MTHFD2L: variants seen among roughly 807,000 people sequenced by gnomAD.
The protein encoded by MTHFD2L is methylenetetrahydrofolate dehydrogenase (NADP+ dependent) 2 like, also known as bifunctional methylenetetrahydrofolate dehydrogenase/cyclohydrolase 2, mitochondrial.
In MTHFD2L, 29 loss-of-function variants were observed where a neutral mutation model predicts 34.9. That is an observed-to-expected ratio of 0.83 (90% CI 0.62 to 1.13). The LOEUF (loss-of-function observed/expected upper bound fraction) is 1.13. MTHFD2L is among the 50% of genes most tolerant of loss of function. The probability of loss-of-function intolerance (pLI) is 0.00; values close to 1 mark genes in which losing one functional copy is unlikely to be tolerated. For missense variants in MTHFD2L, 481 were observed against 446.5 expected (o/e 1.08, Z -0.70); for synonymous variants, 167 against 155.7 (o/e 1.07, Z -0.54).
chr4:74,232,252 C>A (rs1039455519), intron 6 of MTHFD2L, among the ~76,000 whole-genome samples: 4 of 152,124 alleles, frequency 2.6e-5, no homozygotes, highest in Non-Finnish European at 5.9e-5. Flanking sequence ...AGATGTATGC[C>A]TTCTCAGGAT....
chr4:74,209,440 T>C (rs1735930108), intron 5 of MTHFD2L, among the ~76,000 whole-genome samples: 1 of 152,136 alleles, frequency 6.6e-6, no homozygotes, highest in South Asian at 2.1e-4. Context: ...TGGGAACATG[T>C]GGTGTTTGGT....
chr4:74,170,083 A>C (rs1366640109), intron 1 of MTHFD2L, among the ~76,000 whole-genome samples: 1 of 152,064 alleles, frequency 6.6e-6, no homozygotes, highest in Non-Finnish European at 1.5e-5. Context: ...TTCTTTACAC[A>C]CTCTTCCGGA....
intron 1 of MTHFD2L, among the ~76,000 whole-genome samples, chr4:74,133,676 T>C (rs1342511901): frequency 2.6e-5 from 4 of 152,236 alleles, no homozygotes; most frequent in Non-Finnish European, 4.4e-5. Context: ...AATTATTATT[T>C]CAATTTTCTT....
At chr4:74,288,551 A>G (rs1163496976) in intron 7 of MTHFD2L, 7 of 152,244 alleles carry the variant, frequency 4.6e-5, no homozygotes, top group South Asian at 2.1e-4. Flanking sequence ...TTTATCTAAC[A>G]TCCACATATC....
intron 7 of MTHFD2L, among the ~76,000 whole-genome samples, chr4:74,295,422 T>G (rs1003465968): frequency 6.6e-6 from 1 of 152,144 alleles, no homozygotes; most frequent in Non-Finnish European, 1.5e-5. Flanking sequence ...ATCGGATTTA[T>G]GTTTTCTCTT....
At chr4:74,198,993 C>A (rs568629016) in intron 3 of MTHFD2L, among the ~76,000 whole-genome samples, 2 of 152,000 alleles carry the variant, frequency 1.3e-5, no homozygotes, top group Non-Finnish European at 2.9e-5. Context: ...ATGTCTAAAT[C>A]GCATTATATA....
chr4:74,132,118 A>G (rs1240815220), intron 1 of MTHFD2L, among the ~76,000 whole-genome samples: 2 of 152,220 alleles, frequency 1.3e-5, no homozygotes, highest in Non-Finnish European at 2.9e-5. Context: ...GTGGAGAAAT[A>G]GGGATGCTTT....
chr4:74,272,850 G>A (rs570874599), intron 6 of MTHFD2L, among the ~76,000 whole-genome samples: 1 of 152,100 alleles, frequency 6.6e-6, no homozygotes, highest in African/African-American at 2.4e-5. Flanking sequence ...TCTGAATTCT[G>A]TCAAAAGGTG....
intron 6 of MTHFD2L, among the ~76,000 whole-genome samples, chr4:74,237,571 A>G (rs1246583): frequency 0.94 from 143,635 of 152,216 alleles, 68,075 homozygotes; most frequent in Non-Finnish European, 0.99. Context: ...CTGAGATCGC[A>G]TCACTGCACT....
At chr4:74,257,475 G>A (rs1744168562) in intron 6 of MTHFD2L, among the ~76,000 whole-genome samples, 1 of 151,986 alleles carries the variant, frequency 6.6e-6, no homozygotes, top group Non-Finnish European at 1.5e-5. Flanking sequence ...GGAACAGAAG[G>A]GACTATCTTA....
Position 74,201,335 on chromosome 4 carries a change from T to C in MTHFD2L, c.677T>C (p.Leu226Pro). Residue 226 changes from leucine to proline, a missense_variant, in exon 5 of 8, where the codon CTT (leucine) becomes CCT (proline). Coordinates refer to ENST00000325278, the MANE Select transcript of MTHFD2L (RefSeq NM_001144978.3). ...SKNVGMPIAM[L>P]LHTDGEHERP... ...AACGTAGGGATGCCTATTGCCATGC[T>C]TTTACACACTGATGGAGAGCATGAA... is the stretch of plus-strand genomic sequence containing the variant. The C allele has an allele frequency of 6.2e-7, 1 of 1,613,808 alleles. No individual in the cohort carries two copies. The highest frequency in any genetic ancestry group is 8.5e-7 in the Non-Finnish European group (1 of 1,179,814).
intron 6 of MTHFD2L, among the ~76,000 whole-genome samples, chr4:74,230,337 C>A (rs1739822291): frequency 6.6e-6 from 1 of 151,878 alleles, no homozygotes; most frequent in Non-Finnish European, 1.5e-5. Context: ...CATCTGTAAT[C>A]CTAGCACTTT....
chr4:74,246,797 G>A (rs144636963), intron 6 of MTHFD2L, among the ~76,000 whole-genome samples: 96,835 of 151,926 alleles, frequency 0.64, 33,427 homozygotes, highest in Middle Eastern at 0.78. Flanking sequence ...GTAGATATGC[G>A]GCATTATTTC....
chr4:74,142,976 A>T (rs970685594), intron 1 of MTHFD2L, among the ~76,000 whole-genome samples: 6 of 152,200 alleles, frequency 3.9e-5, no homozygotes, highest in Non-Finnish European at 7.3e-5. Context: ...TGTTGTCTGA[A>T]ATCACCAATG....
chr4:74,161,242 G>C (rs1438886699), intron 1 of MTHFD2L: 1 of 152,116 alleles, frequency 6.6e-6, no homozygotes, highest in South Asian at 2.1e-4. Flanking sequence ...GTCTTTTACC[G>C]TGGGTAGTTA....
At chr4:74,297,104 A>G (rs1749725076) in intron 7 of MTHFD2L, among the ~76,000 whole-genome samples, 1 of 152,132 alleles carries the variant, frequency 6.6e-6, no homozygotes, top group African/African-American at 2.4e-5. Context: ...TCAAGGAAAT[A>G]TATGGAATTA....
At chr4:74,211,349 A>G (rs476556) in intron 5 of MTHFD2L, among the ~76,000 whole-genome samples, 4,742 of 152,206 alleles carry the variant, frequency 0.031, 258 homozygotes, top group African/African-American at 0.11. Flanking sequence ...TTATTTTGAG[A>G]TACGTTCCAT....
At chr4:74,265,203 T>C (rs2110232324) in intron 6 of MTHFD2L, among the ~76,000 whole-genome samples, 1 of 152,298 alleles carries the variant, frequency 6.6e-6, no homozygotes, top group South Asian at 2.1e-4. Flanking sequence ...GCTCAGCTAA[T>C]CTCAGATTGA....
chr4:74,291,699 G>A (rs1748985713), intron 7 of MTHFD2L, among the ~76,000 whole-genome samples: 1 of 152,158 alleles, frequency 6.6e-6, no homozygotes, highest in South Asian at 2.1e-4. Context: ...GTTTGGCACT[G>A]CTTACTCCCA....
Sources: gnomAD v4.1 joint callset for allele counts (sites outside exome capture counted in the v4.1 genomes callset) on GRCh38, gnomAD v4.1.1 for gene constraint, MANE v1.5 for transcripts, NCBI Gene and HGNC (gene_info 2026-07-23, HGNC 2026-07-21) for gene names.